Variants in PDE4D observed in about 807,000 individuals in gnomAD.
PDE4D encodes phosphodiesterase 4D.
In PDE4D, 24 loss-of-function variants were observed where a neutral mutation model predicts 87.4. The ratio of observed to expected loss-of-function variants is 0.27; its 90% CI spans 0.20 to 0.39. The LOEUF (loss-of-function observed/expected upper bound fraction) is 0.39, where lower values mean the gene tolerates loss of function less well. PDE4D is among the 10% of genes least tolerant of loss of function. The pLI is 1.00. For synonymous variants in PDE4D, 384 were observed against 383.2 expected (o/e 1.00, Z -0.02); for missense variants, 714 against 1,041.0 (o/e 0.69, Z 4.32).
chr5:60,129,151 G>C (rs1779363989), intron 2 of PDE4D, among the ~76,000 whole-genome samples: 1 of 152,096 alleles, frequency 6.6e-6, no homozygotes, highest in Non-Finnish European at 1.5e-5. Context: ...TTTTTGCTTA[G>C]AACAGCACTA....
intron 5 of PDE4D, among the ~76,000 whole-genome samples, chr5:59,059,465 T>A (rs1762819626): frequency 6.6e-6 from 1 of 152,192 alleles, no homozygotes; most frequent in Non-Finnish European, 1.5e-5. Flanking sequence ...ACTTTAGGAC[T>A]CTCTCTACGA....
chr5:59,646,687 A>T lies in PDE4D; in HGVS notation c.455+246481T>A, dbSNP rs143132256. Among the ~76,000 whole-genome samples the T allele has an allele frequency of 6.5e-3, 986 of 152,296 alleles. 10 individuals carry two copies. The highest frequency in any genetic ancestry group is 0.022 in the African/African-American group (904 of 41,550). ...TGGCTTAAAATTCACAAACATATAAACTAGCAATGACATCATGATAGGCTT... is the reference window on the plus strand; with the variant it reads ...TGGCTTAAAATTCACAAACATATAATCTAGCAATGACATCATGATAGGCTT... On this transcript the variant is annotated intron_variant, in intron 1 of 14. Coordinates refer to ENST00000340635, the MANE Select transcript of PDE4D (RefSeq NM_001104631.2).
chr5:59,515,743 G>A (rs574621239), intron 1 of PDE4D, among the ~76,000 whole-genome samples: 8 of 152,242 alleles, frequency 5.3e-5, no homozygotes, highest in South Asian at 4.1e-4. Flanking sequence ...TAAGATCTTC[G>A]TAACAAAATG....
At chr5:60,186,484 A>C (rs1265889187) in intron 1 of PDE4D, among the ~76,000 whole-genome samples, 1 of 152,204 alleles carries the variant, frequency 6.6e-6, no homozygotes, top group South Asian at 2.1e-4. Flanking sequence ...ATTCTGCTAC[A>C]TCAGGACACA....
chr5:59,765,286 G>A (rs1332904957), intron 1 of PDE4D, among the ~76,000 whole-genome samples: 1 of 152,184 alleles, frequency 6.6e-6, no homozygotes, highest in Non-Finnish European at 1.5e-5. Context: ...AAGTGCTTCT[G>A]TATAATCTTC....
chr5:60,285,964 A>G (rs1752381385), intron 1 of PDE4D, among the ~76,000 whole-genome samples: 1 of 152,222 alleles, frequency 6.6e-6, no homozygotes, highest in Admixed American at 6.5e-5. Context: ...GTGCACAAGG[A>G]AAGGGGAAAG....
At chr5:59,804,836 GGCTGGAGTGCAATGACATGATCTCA>G (rs1767564853) in intron 1 of PDE4D, among the ~76,000 whole-genome samples, 1 of 152,042 alleles carries the variant, frequency 6.6e-6, no homozygotes. Context: ...CTGTCACCCA[GGCTGGAGTGCAATGACATGATCTCA>G]GCTCACTGCA....
At position 59,518,643 on chromosome 5, in the gene PDE4D, A is replaced by G. The variant is rs546663119; in HGVS notation, c.456-302675T>C. On this transcript the variant is annotated intron_variant, in intron 1 of 14. Coordinates refer to ENST00000340635, the MANE Select transcript of PDE4D (RefSeq NM_001104631.2). ...GAAAGAGGGGAAGATGGCAATAGTC[A>G]GGGAATGTTTCATGGCTGAAGGGGT... Among the ~76,000 whole-genome samples the G allele has an allele frequency of 2.6e-5, 4 of 152,218 alleles. 1 individual carries two copies. In the South Asian group the frequency reaches 8.3e-4, roughly 31 times the overall value.
chr5:59,265,497 G>C (rs1319226954), intron 1 of PDE4D, among the ~76,000 whole-genome samples: 1 of 151,980 alleles, frequency 6.6e-6, no homozygotes, highest in Non-Finnish European at 1.5e-5. Context: ...AAATGAATCA[G>C]CTTTCACATT....
At chr5:59,426,566 C>A (rs1282905161) in intron 1 of PDE4D, among the ~76,000 whole-genome samples, 2 of 151,930 alleles carry the variant, frequency 1.3e-5, no homozygotes, top group Non-Finnish European at 2.9e-5. Flanking sequence ...AGGGAAGGAC[C>A]CTCACCAGCA....
intron 1 of PDE4D, among the ~76,000 whole-genome samples, chr5:59,544,462 C>G (rs927581818): frequency 1.3e-5 from 2 of 152,122 alleles, no homozygotes; most frequent in Admixed American, 6.6e-5. Flanking sequence ...AGAATTTAAC[C>G]CTTTTAATCA....
At chr5:60,165,978 G>C (rs934306119) in intron 2 of PDE4D, among the ~76,000 whole-genome samples, 7 of 151,898 alleles carry the variant, frequency 4.6e-5, no homozygotes, top group African/African-American at 1.7e-4. Context: ...CTTCTTTGTG[G>C]TTAAGTGATT....
intron 5 of PDE4D, among the ~76,000 whole-genome samples, chr5:59,162,718 A>G (rs1487033248): frequency 2.0e-5 from 3 of 151,184 alleles, no homozygotes; most frequent in African/African-American, 7.3e-5. Context: ...ATGGTGGTGC[A>G]GTGCTATGTG....
At chr5:59,070,325 G>A (rs12652499) in intron 5 of PDE4D, among the ~76,000 whole-genome samples, 77,345 of 151,880 alleles carry the variant, frequency 0.51, 21,728 homozygotes, top group East Asian at 0.74. Context: ...TAAAAAAAGA[G>A]ATCTCCTGCA....
At chr5:59,209,561 C>T in intron 2 of PDE4D, among the ~76,000 whole-genome samples, 1 of 152,020 alleles carries the variant, frequency 6.6e-6, no homozygotes, top group African/African-American at 2.4e-5. Flanking sequence ...TACATGGTGC[C>T]CTTAATATCT....
intron 1 of PDE4D, among the ~76,000 whole-genome samples, chr5:60,319,317 C>A (rs975869856): frequency 1.3e-5 from 2 of 152,188 alleles, no homozygotes; most frequent in Admixed American, 6.5e-5. Context: ...AGTTCTCATG[C>A]CTTGGTTTTC....
chr5:59,162,058 G>A (rs930811353), intron 5 of PDE4D, among the ~76,000 whole-genome samples: 3 of 152,218 alleles, frequency 2.0e-5, no homozygotes, highest in African/African-American at 7.2e-5. Context: ...ATGCAGGTGT[G>A]AATGCCCCAA....
intron 1 of PDE4D, among the ~76,000 whole-genome samples, chr5:59,633,964 C>T (rs1487709704): frequency 6.6e-6 from 1 of 151,986 alleles, no homozygotes; most frequent in African/African-American, 2.4e-5. Flanking sequence ...GAGTCAAGAC[C>T]CATCAATGTG....
At chr5:60,284,429 G>C (rs905267692) in intron 1 of PDE4D, among the ~76,000 whole-genome samples, 2 of 152,138 alleles carry the variant, frequency 1.3e-5, no homozygotes, top group Non-Finnish European at 2.9e-5. Context: ...TTGGTCACCA[G>C]ACTTCACCCC....
Sources: gnomAD v4.1 joint callset for allele counts (sites outside exome capture counted in the v4.1 genomes callset) on GRCh38, gnomAD v4.1.1 for gene constraint, MANE v1.5 for transcripts, NCBI Gene and HGNC (gene_info 2026-07-23, HGNC 2026-07-21) for gene names.